CAST: variants seen among roughly 807,000 people sequenced by gnomAD.
CAST encodes the protein MIR583 host.
CAST carries 76 observed loss-of-function variants against 119.6 expected under a neutral mutation model. The observed-to-expected ratio is 0.64, with a 90% CI of 0.53 to 0.77. The LOEUF (loss-of-function observed/expected upper bound fraction) is 0.77, where lower values mean the gene tolerates loss of function less well. CAST is among the 30% of genes least tolerant of loss of function. The pLI, the probability that CAST is intolerant of heterozygous loss-of-function variation, is 0.00. For synonymous variants in CAST, 319 were observed against 331.6 expected, an observed-to-expected ratio of 0.96 and a Z score of 0.41; for missense variants, 953 against 946.5, an observed-to-expected ratio of 1.01 and a Z score of -0.09.
intron 24 of CAST, among the ~76,000 whole-genome samples, chr5:96,760,393 T>C (rs560059639): frequency 1.3e-5 from 2 of 152,042 alleles, no homozygotes; most frequent in Admixed American, 6.5e-5. Flanking sequence ...ATAAAAACTT[T>C]TTAAAAAGTA....
chr5:96,676,301 T>C (rs1750703578), intron 2 of CAST, among the ~76,000 whole-genome samples: 1 of 152,204 alleles, frequency 6.6e-6, no homozygotes, highest in South Asian at 2.1e-4. Flanking sequence ...AATTGAGTCA[T>C]TTCTAACTTG....
At chr5:96,095,437 T>C in the CAST span, among the ~76,000 whole-genome samples, 1 of 151,224 alleles carries the variant, frequency 6.6e-6, no homozygotes, top group Admixed American at 6.6e-5. Flanking sequence ...GCCAGGTGCC[T>C]GTATTCCCAG....
the CAST span, chr5:96,213,210 A>T: frequency 6.6e-6 from 1 of 152,130 alleles, no homozygotes. Flanking sequence ...ATTTTATCTG[A>T]TATTAATATA....
chr5:96,265,484 A>C, the CAST span, among the ~76,000 whole-genome samples: 1 of 152,052 alleles, frequency 6.6e-6, no homozygotes, highest in Non-Finnish European at 1.5e-5. Context: ...GCCTTAGAGA[A>C]CCAGGAGCTC....
chr5:96,662,925 C>T (rs1748761647), intron 1 of CAST: 1 of 590,292 alleles, frequency 1.7e-6, no homozygotes, highest in Non-Finnish European at 3.0e-6. Flanking sequence ...CCTAACCAGC[C>T]TCGAGCCAAA....
the CAST span, among the ~76,000 whole-genome samples, chr5:96,334,792 A>C: frequency 2.0e-5 from 3 of 152,216 alleles, no homozygotes; most frequent in African/African-American, 4.8e-5. Flanking sequence ...TGGAGGCAAG[A>C]TCAGGAGCGC....
At chr5:96,626,020 G>A (rs551435919) in intron 1 of CAST, among the ~76,000 whole-genome samples, 17 of 152,296 alleles carry the variant, frequency 1.1e-4, no homozygotes, top group Non-Finnish European at 1.9e-4. Flanking sequence ...ATTGTAGTCT[G>A]AAGGCCGTGT....
chr5:96,362,240 A>T, the CAST span, among the ~76,000 whole-genome samples: 1 of 152,054 alleles, frequency 6.6e-6, no homozygotes, highest in Non-Finnish European at 1.5e-5. Flanking sequence ...TCATTGATGG[A>T]CATTTGGGTT....
chr5:96,363,398 G>A, the CAST span, among the ~76,000 whole-genome samples: 3 of 150,864 alleles, frequency 2.0e-5, no homozygotes, highest in African/African-American at 7.3e-5. Context: ...TGATGGGGAT[G>A]GCATTGAATC....
the CAST span, among the ~76,000 whole-genome samples, chr5:96,336,569 A>G: frequency 6.6e-6 from 1 of 152,218 alleles, no homozygotes; most frequent in Non-Finnish European, 1.5e-5. Flanking sequence ...TGTTATGAAG[A>G]GTGGACTGCC....
the CAST span, among the ~76,000 whole-genome samples, chr5:96,126,466 T>C: frequency 6.6e-6 from 1 of 152,174 alleles, no homozygotes; most frequent in African/African-American, 2.4e-5. Context: ...ACTCATACTA[T>C]ATATAACTGA....
intron 1 of CAST, among the ~76,000 whole-genome samples, chr5:96,591,374 A>G (rs1746958884): frequency 6.6e-6 from 1 of 152,176 alleles, no homozygotes; most frequent in Admixed American, 6.5e-5. Flanking sequence ...GAATTTCAAC[A>G]TCTTTCTGTA....
At chr5:96,288,067 T>C in the CAST span, among the ~76,000 whole-genome samples, 1 of 152,166 alleles carries the variant, frequency 6.6e-6, no homozygotes. Context: ...GGGCTACAGA[T>C]GGAATTTCAG....
chr5:96,286,704 A>G, the CAST span, among the ~76,000 whole-genome samples: 2 of 152,190 alleles, frequency 1.3e-5, no homozygotes, highest in South Asian at 2.1e-4. Flanking sequence ...AGAGATTAAC[A>G]TAACATTGAG....
the CAST span, among the ~76,000 whole-genome samples, chr5:96,191,982 A>G: frequency 6.6e-6 from 1 of 152,256 alleles, no homozygotes; most frequent in Non-Finnish European, 1.5e-5. Flanking sequence ...ATAATTAAAA[A>G]TATTTTCAAT....
chr5:96,484,765 A>C, the CAST span, among the ~76,000 whole-genome samples: 1 of 148,578 alleles, frequency 6.7e-6, no homozygotes, highest in Non-Finnish European at 1.5e-5. Context: ...CTGGGGGGCC[A>C]TCATTAGCAT....
chr5:96,164,955 G>A, the CAST span, among the ~76,000 whole-genome samples: 3 of 152,136 alleles, frequency 2.0e-5, no homozygotes, highest in East Asian at 5.8e-4. Context: ...TGGTAGTGGG[G>A]TGGAACGTGA....
chr5:96,320,883 G>A, the CAST span, among the ~76,000 whole-genome samples: 3,761 of 152,270 alleles, frequency 0.025, 169 homozygotes, highest in African/African-American at 0.086. Flanking sequence ...CACACCAGCA[G>A]CCTGCAGTCT....
intron 1 of CAST, among the ~76,000 whole-genome samples, chr5:96,601,636 T>C (rs1747153539): frequency 1.3e-5 from 2 of 152,216 alleles, no homozygotes; most frequent in South Asian, 2.1e-4. Context: ...CTCCTGGTGA[T>C]ACCCTGGAGC....
Sources: allele counts gnomAD v4.1 joint callset (sites outside exome capture counted in the v4.1 genomes callset), GRCh38; gene constraint gnomAD v4.1.1; transcripts MANE v1.5; gene names NCBI Gene and HGNC (gene_info 2026-07-23, HGNC 2026-07-21).